Variants in TMTC1 observed in about 807,000 individuals in gnomAD.
TMTC1 encodes protein O-mannosyl-transferase TMTC1.
TMTC1 carries 73 observed loss-of-function variants against 104.8 expected under a neutral mutation model. The ratio of observed to expected loss-of-function variants is 0.70; its 90% CI spans 0.58 to 0.85. The LOEUF is 0.85. Among genes scored for constraint, TMTC1 ranks in the 40% least tolerant of loss-of-function variants. The pLI is 0.00. For missense variants in TMTC1, 1,035 were observed against 1,096.1 expected (o/e 0.94, Z 0.79); for synonymous variants, 434 against 428.7 (o/e 1.01, Z -0.15).
chr12:29,595,699 A>C (rs1407284068), intron 7 of TMTC1, among the ~76,000 whole-genome samples: 1 of 152,208 alleles, frequency 6.6e-6, no homozygotes. Flanking sequence ...AGACACATTC[A>C]AGTTAAAATC....
intron 5 of TMTC1, among the ~76,000 whole-genome samples, chr12:29,685,061 C>A (rs948864628): frequency 1.3e-5 from 2 of 152,078 alleles, no homozygotes; most frequent in East Asian, 1.9e-4. Flanking sequence ...AAGATCCTAT[C>A]TTTCCAATAC....
At position 29,539,513 on chromosome 12, in the gene TMTC1, T is replaced by G. The variant is rs1003556376; in HGVS notation, c.1677-3196A>C. Among the ~76,000 whole-genome samples the G allele has an allele frequency of 1.3e-4, 20 of 152,184 alleles. 1 individual carries two copies. The highest frequency in any genetic ancestry group is 1.0e-3 in the South Asian group (5 of 4,830). ...TTATTAATGTCCAACTACCTACAGA[T>G]AGACTCTTAGGCTAAAACCCTCTAC... On this transcript the variant is annotated intron_variant, in intron 10 of 17. Coordinates refer to ENST00000539277, the MANE Select transcript of TMTC1 (RefSeq NM_001193451.2).
At chr12:29,508,591 C>G (rs1943751656) in intron 17 of TMTC1, among the ~76,000 whole-genome samples, 1 of 151,906 alleles carries the variant, frequency 6.6e-6, no homozygotes, top group Non-Finnish European at 1.5e-5. Context: ...AAACTAGAAG[C>G]TGTATTTTTT....
rs182097323 is a variant in TMTC1 at position 29,659,297 on chromosome 12, G to A, written c.939-25961C>T. Among the ~76,000 whole-genome samples, 381 of 152,314 alleles carry A rather than the reference G, an allele frequency of 2.5e-3. 1 individual carries two copies. Among genetic ancestry groups the A allele is most frequent in the African/African-American group, 8.8e-3 (366 of 41,572 alleles). ...ATATCGAAATGTAATCTCCAGTGTG[G>A]TAGTGTGGAGGCCTAGTGGGAGGTG... is the stretch of plus-strand genomic sequence containing the variant. On this transcript the variant is annotated intron_variant, in intron 5 of 17. Coordinates refer to ENST00000539277, the MANE Select transcript of TMTC1 (RefSeq NM_001193451.2).
intron 4 of TMTC1, among the ~76,000 whole-genome samples, chr12:29,752,824 A>T (rs1022520855): frequency 1.3e-5 from 2 of 152,222 alleles, no homozygotes; most frequent in African/African-American, 4.8e-5. Context: ...GTAAAGTCCT[A>T]GAAACTATCA....
intron 5 of TMTC1, among the ~76,000 whole-genome samples, chr12:29,699,489 C>T (rs1941519039): frequency 6.6e-6 from 1 of 152,128 alleles, no homozygotes; most frequent in African/African-American, 2.4e-5. Flanking sequence ...TTGAATACCA[C>T]ATTGTTTTTA....
At chr12:29,629,196 C>T (rs918906534) in intron 6 of TMTC1, among the ~76,000 whole-genome samples, 4 of 151,888 alleles carry the variant, frequency 2.6e-5, no homozygotes, top group African/African-American at 9.7e-5. Flanking sequence ...TGGCGGGCGC[C>T]TGTAGTCCCT....
At chr12:29,616,979 A>G (rs1435931796) in intron 6 of TMTC1, among the ~76,000 whole-genome samples, 1 of 152,078 alleles carries the variant, frequency 6.6e-6, no homozygotes, top group African/African-American at 2.4e-5. Context: ...TATACTCTTA[A>G]TATTGTTTGA....
At chr12:29,690,950 C>T (rs1212705468) in intron 5 of TMTC1, among the ~76,000 whole-genome samples, 1 of 152,176 alleles carries the variant, frequency 6.6e-6, no homozygotes, top group Non-Finnish European at 1.5e-5. Context: ...TTTAAGCTGT[C>T]CTTGTTCATT....
intron 7 of TMTC1, among the ~76,000 whole-genome samples, chr12:29,593,612 A>C (rs1946337596): frequency 6.6e-6 from 1 of 152,242 alleles, no homozygotes; most frequent in Non-Finnish European, 1.5e-5. Flanking sequence ...GTTTATGTTA[A>C]TGTTCATTCA....
At chr12:29,675,656 G>A in intron 5 of TMTC1, among the ~76,000 whole-genome samples, 1 of 151,248 alleles carries the variant, frequency 6.6e-6, no homozygotes, top group Non-Finnish European at 1.5e-5. Flanking sequence ...TGTTTCTTGT[G>A]AATAAGAGTT....
intron 7 of TMTC1, among the ~76,000 whole-genome samples, chr12:29,603,324 C>A (rs1171578817): frequency 6.6e-6 from 1 of 151,982 alleles, no homozygotes; most frequent in Admixed American, 6.5e-5. Context: ...ACACTCATTT[C>A]CTCCTAACAT....
chr12:29,692,116 G>A (rs1053311961), intron 5 of TMTC1, among the ~76,000 whole-genome samples: 1 of 145,356 alleles, frequency 6.9e-6, no homozygotes, highest in Admixed American at 7.1e-5. Flanking sequence ...TTTTCAGTGT[G>A]CTTGTGTCTT....
At chr12:29,780,477 T>C (rs939518496) in intron 1 of TMTC1, among the ~76,000 whole-genome samples, 3 of 152,328 alleles carry the variant, frequency 2.0e-5, no homozygotes, top group South Asian at 2.1e-4. Context: ...ATGGTTGTTA[T>C]GGATTTGGGT....
In TMTC1 at chr12:29,556,793, T is replaced by C. The variant is rs1041620990; in HGVS notation, c.1676+64A>G. On this transcript the variant is annotated intron_variant, in intron 10 of 17. Coordinates refer to ENST00000539277, the MANE Select transcript of TMTC1 (RefSeq NM_001193451.2). Reference sequence around the variant, plus strand: ...CAAGTGCAGCACAATCAAATGAGTGTTGAGAAGGAAAGAGTTTCTTGGAAT... The same window carrying C: ...CAAGTGCAGCACAATCAAATGAGTGCTGAGAAGGAAAGAGTTTCTTGGAAT... 3.1e-6 allele frequency: 5 copies of C among 1,601,304 alleles called. No individual in the cohort carries two copies. The African/African-American group carries it at 5.4e-5, about 17-fold the overall frequency.
rs542984820 is a variant in TMTC1, at chr12:29,706,343, CAA to C, written c.938+45321_938+45322del. ...CAGCCAAGAACATTAAAGGCAGAGA[CAA>C]GAGCAAAAATAATATAATCCCTATT... On this transcript the variant is annotated intron_variant, in intron 5 of 17. Transcript: ENST00000539277. Among the ~76,000 whole-genome samples, 40 of 152,274 alleles carry C rather than the reference CAA, an allele frequency of 2.6e-4. No homozygotes were observed. The East Asian group carries it at 7.7e-3, about 29-fold the overall frequency.
intron 5 of TMTC1, among the ~76,000 whole-genome samples, chr12:29,731,451 G>A (rs918076216): frequency 6.6e-5 from 10 of 152,158 alleles, no homozygotes; most frequent in African/African-American, 2.4e-4. Flanking sequence ...ATGCACGGCC[G>A]CAAATTGGAT....
chr12:29,643,816 T>TATATTTATATAC (rs1939082176), intron 5 of TMTC1, among the ~76,000 whole-genome samples: 3 of 52,302 alleles, frequency 5.7e-5, no homozygotes, highest in African/African-American at 2.6e-4. Context: ...TATATTTATA[T>TATATTTATATAC]ATATTTATAT....
chr12:29,703,191 C>T (rs925281089), intron 5 of TMTC1, among the ~76,000 whole-genome samples: 3 of 149,220 alleles, frequency 2.0e-5, no homozygotes, highest in African/African-American at 7.4e-5. Context: ...CTTGGGGATA[C>T]ACAGCATGAA....
Sources: gnomAD v4.1 joint callset for allele counts (sites outside exome capture counted in the v4.1 genomes callset) on GRCh38, gnomAD v4.1.1 for gene constraint, MANE v1.5 for transcripts, NCBI Gene and HGNC (gene_info 2026-07-23, HGNC 2026-07-21) for gene names.